Variants in MAGI1 observed in about 807,000 individuals in gnomAD.
MAGI1 encodes membrane associated guanylate kinase, WW and PDZ domain containing 1.
In MAGI1, 58 loss-of-function variants were observed where a neutral mutation model predicts 139.9. The observed-to-expected ratio is 0.41, with a 90% CI of 0.34 to 0.52. MAGI1 has a LOEUF of 0.52. MAGI1 is among the 20% of genes least tolerant of loss of function. The probability of loss-of-function intolerance (pLI) is 0.12; values close to 1 mark genes in which losing one functional copy is unlikely to be tolerated. For missense variants in MAGI1, 1,874 were observed against 1,901.6 expected (o/e 0.99, Z 0.27); for synonymous variants, 812 against 737.9 (o/e 1.10, Z -1.63).
intron 3 of MAGI1, among the ~76,000 whole-genome samples, chr3:65,491,630 T>C (rs148609898): frequency 6.6e-6 from 1 of 152,196 alleles, no homozygotes; most frequent in African/African-American, 2.4e-5. Context: ...CCTCTTCACA[T>C]GTACAACATG....
At chr3:65,458,045 G>C (rs11706564) in intron 5 of MAGI1, among the ~76,000 whole-genome samples, 21,344 of 152,122 alleles carry the variant, frequency 0.14, 1,808 homozygotes, top group Non-Finnish European at 0.18. Flanking sequence ...GTGAGAACAT[G>C]TGAAGCTTGC....
At chr3:65,533,254 G>C (rs17073067) in intron 2 of MAGI1, among the ~76,000 whole-genome samples, 10,563 of 152,172 alleles carry the variant, frequency 0.069, 613 homozygotes, top group African/African-American at 0.16. Context: ...CACTTATTGG[G>C]TGGAGACACT....
At chr3:65,387,159 A>T (rs1214246952) in intron 14 of MAGI1, 1 of 1,614,056 alleles carries the variant, frequency 6.2e-7, no homozygotes, top group Non-Finnish European at 8.5e-7. Flanking sequence ...ATTCTCCAAA[A>T]TTCGTGGAAT....
At chr3:65,497,350 AG>A (rs948319201) in intron 2 of MAGI1, among the ~76,000 whole-genome samples, 1 of 152,202 alleles carries the variant, frequency 6.6e-6, no homozygotes, top group Non-Finnish European at 1.5e-5. Context: ...GTAGCCAGCA[AG>A]ATAGGAGCAA....
At chr3:65,519,318 C>T (rs1292940053) in intron 2 of MAGI1, among the ~76,000 whole-genome samples, 2 of 150,068 alleles carry the variant, frequency 1.3e-5, no homozygotes, top group East Asian at 3.9e-4. Context: ...GTTTTCATCA[C>T]AGGAGTATCA....
chr3:65,607,334 C>T lies in MAGI1; in HGVS notation c.430+14638G>A, dbSNP rs150613425. Among the ~76,000 whole-genome samples, 1,134 of 151,886 alleles carry T rather than the reference C, an allele frequency of 7.5e-3. 8 individuals are homozygous for T. The highest frequency in any genetic ancestry group is 0.011 in the Admixed American group (163 of 15,246). On this transcript the variant is annotated intron_variant, in intron 2 of 22. Transcript: ENST00000402939. ...CTCCCTGAAACTGCTATTGTATATG[C>T]CCCTGAAGCAACTTTCCAACAGGCA...
At chr3:65,794,416 T>A (rs2039986261) in intron 1 of MAGI1, among the ~76,000 whole-genome samples, 1 of 152,162 alleles carries the variant, frequency 6.6e-6, no homozygotes, top group Admixed American at 6.5e-5. Context: ...CTTCTCTTTA[T>A]CCAGTGACTA....
chr3:65,930,454 A>T (rs1447991767), intron 1 of MAGI1, among the ~76,000 whole-genome samples: 1 of 150,684 alleles, frequency 6.6e-6, no homozygotes, highest in Non-Finnish European at 1.5e-5. Context: ...ACTTGTGGCC[A>T]GGCACGGTGG....
At chr3:65,780,277 A>T (rs2038824121) in intron 1 of MAGI1, among the ~76,000 whole-genome samples, 1 of 152,096 alleles carries the variant, frequency 6.6e-6, no homozygotes, top group Non-Finnish European at 1.5e-5. Flanking sequence ...CCCCGCTTCA[A>T]TCTCCCAAAG....
intron 2 of MAGI1, among the ~76,000 whole-genome samples, chr3:65,503,660 G>A (rs2077170326): frequency 6.6e-6 from 1 of 152,184 alleles, no homozygotes; most frequent in Admixed American, 6.5e-5. Flanking sequence ...TGTGATGAAG[G>A]TATTGGAATC....
intron 1 of MAGI1, chr3:65,924,923 T>C (rs1393832801): frequency 6.6e-6 from 1 of 152,202 alleles, no homozygotes; most frequent in East Asian, 1.9e-4. Context: ...TTTCTGTCCA[T>C]AAAAACCCTC....
chr3:65,954,118 A>G (rs1386362732), intron 1 of MAGI1, among the ~76,000 whole-genome samples: 1 of 152,132 alleles, frequency 6.6e-6, no homozygotes, highest in Non-Finnish European at 1.5e-5. Flanking sequence ...CTCCAACATC[A>G]GGGGGCAAAA....
intron 1 of MAGI1, among the ~76,000 whole-genome samples, chr3:65,969,023 G>C (rs1302937877): frequency 6.6e-6 from 1 of 152,158 alleles, no homozygotes; most frequent in Non-Finnish European, 1.5e-5. Context: ...TGCTGTATTA[G>C]GAACATTTAG....
chr3:65,358,130 AAGC>A (rs1940396100), intron 22 of MAGI1, among the ~76,000 whole-genome samples: 1 of 152,126 alleles, frequency 6.6e-6, no homozygotes. Flanking sequence ...ACAGGTTTAA[AAGC>A]AGGGCAGCCC....
Position 65,357,053 on chromosome 3 carries a change from C to G in MAGI1, c.3714G>C (p.Gln1238His). The G allele has an allele frequency of 6.2e-7, 1 of 1,614,184 alleles. No homozygotes were observed. The highest frequency in any genetic ancestry group is 8.5e-7 in the Non-Finnish European group (1 of 1,180,018). Residue 1238 changes from glutamine to histidine, a missense_variant, in exon 23 of 23, where the codon CAG (glutamine) becomes CAC (histidine). Physicochemically the swap from Gln to His is conservative, Grantham distance 24. Around this residue, in one of 5 missense-constraint regions of MAGI1, gnomAD observed 653 missense variants for 644.5 expected, o/e 1.01. Transcript: ENST00000402939. ...GGTAACTGGACTCCAATGACGGATG[C>G]TGCCGGCGGTCGGGCCCGGCCCTCA... ...PEVRAGPDRR[Q>H]HPSLESSYPP...
At chr3:65,796,423 G>A (rs952463032) in intron 1 of MAGI1, among the ~76,000 whole-genome samples, 1 of 152,080 alleles carries the variant, frequency 6.6e-6, no homozygotes, top group Non-Finnish European at 1.5e-5. Context: ...CCTGGGTACC[G>A]TGGCCTAGCC....
chr3:65,639,441 T>C (rs1021997818), intron 1 of MAGI1, among the ~76,000 whole-genome samples: 1 of 152,162 alleles, frequency 6.6e-6, no homozygotes, highest in Non-Finnish European at 1.5e-5. Context: ...GGGGCCTGGA[T>C]TTGAGACTTA....
At chr3:65,418,833 T>G (rs1244352742) in intron 12 of MAGI1, among the ~76,000 whole-genome samples, 1 of 152,202 alleles carries the variant, frequency 6.6e-6, no homozygotes, top group Non-Finnish European at 1.5e-5. Context: ...CCGACTGCAT[T>G]AGTAGCCACA....
chr3:65,566,894 G>A (rs1001532856), intron 2 of MAGI1, among the ~76,000 whole-genome samples: 1 of 151,956 alleles, frequency 6.6e-6, no homozygotes, highest in Non-Finnish European at 1.5e-5. Flanking sequence ...ACAGCATCCG[G>A]CCGTCTTTAG....
Sources: allele counts gnomAD v4.1 joint callset (sites outside exome capture counted in the v4.1 genomes callset), GRCh38; gene constraint gnomAD v4.1.1; regional missense constraint gnomAD v4.1.1; transcripts MANE v1.5; gene names NCBI Gene and HGNC (gene_info 2026-07-23, HGNC 2026-07-21).